ADAMTS20: variants seen among roughly 807,000 people sequenced by gnomAD.
ADAMTS20 encodes A disintegrin and metalloproteinase with thrombospondin motifs 20.
In ADAMTS20, 225 loss-of-function variants were observed where a neutral mutation model predicts 260.1. The observed-to-expected ratio is 0.87, with a 90% confidence interval of 0.78 to 0.97. ADAMTS20 has a LOEUF of 0.97. Ranked by LOEUF, ADAMTS20 falls within the 50% of genes least tolerant of loss-of-function variation. The pLI, the probability that ADAMTS20 is intolerant of heterozygous loss-of-function variation, is 0.00. For missense variants in ADAMTS20, 2,400 were observed against 2,337.7 expected (o/e 1.03, Z -0.55); for synonymous variants, 802 against 769.5 (o/e 1.04, Z -0.70).
chr12:43,384,988 G>C (rs1046266088), intron 29 of ADAMTS20, among the ~76,000 whole-genome samples: 17 of 152,070 alleles, frequency 1.1e-4, no homozygotes, highest in Non-Finnish European at 8.8e-5. Flanking sequence ...GGGATTGCTG[G>C]GTCAAATGCT....
At chr12:43,516,120 C>T (rs188017611) in intron 3 of ADAMTS20, among the ~76,000 whole-genome samples, 2 of 152,036 alleles carry the variant, frequency 1.3e-5, no homozygotes, top group East Asian at 3.9e-4. Flanking sequence ...GTCTGAGATG[C>T]TCGCCACATG....
chr12:43,483,355 C>A (rs1016364241), intron 7 of ADAMTS20, among the ~76,000 whole-genome samples: 2 of 152,130 alleles, frequency 1.3e-5, no homozygotes, highest in African/African-American at 2.4e-5. Flanking sequence ...AGGCCATGAG[C>A]CCCTGAATTT....
chr12:43,380,668 T>TA (rs1940330135), intron 31 of ADAMTS20, among the ~76,000 whole-genome samples: 1 of 152,096 alleles, frequency 6.6e-6, no homozygotes, highest in South Asian at 2.1e-4. Flanking sequence ...TTACAGAATA[T>TA]AAAAAATACT....
chr12:43,539,438 G>C (rs964565666), intron 2 of ADAMTS20, among the ~76,000 whole-genome samples: 1 of 152,110 alleles, frequency 6.6e-6, no homozygotes, highest in Non-Finnish European at 1.5e-5. Context: ...TGACTATAAA[G>C]CACTGAAATT....
chr12:43,358,758 A>G (rs1241039767), intron 37 of ADAMTS20, among the ~76,000 whole-genome samples: 1 of 144,922 alleles, frequency 6.9e-6, no homozygotes, highest in Non-Finnish European at 1.5e-5. Flanking sequence ...AATGGCGTGA[A>G]CCCGGGAGGC....
chr12:43,531,508 G>T (rs569575802), intron 3 of ADAMTS20, among the ~76,000 whole-genome samples: 10 of 152,210 alleles, frequency 6.6e-5, no homozygotes, highest in African/African-American at 1.7e-4. Context: ...CAGGTGAAAA[G>T]ATTGTTTAAA....
rs1205652319 is a variant in ADAMTS20, at chr12:43,383,876, T to C, written c.4554A>G (p.Arg1518=). The C allele has an allele frequency of 6.2e-6, 10 of 1,613,766 alleles. No homozygotes were observed. The highest frequency in any genetic ancestry group is 8.5e-6 in the Non-Finnish European group (10 of 1,179,840). Residue 1518 remains arginine (R), a synonymous_variant, in exon 30 of 39, where the codon CGA becomes CGG. Transcript: ENST00000389420. Reference sequence around the variant, plus strand: ...TCCAACATCGCCTCTGAGAACAAGGTCGGGTGGACTGATCACACATTTCTT... The same window carrying C: ...TCCAACATCGCCTCTGAGAACAAGGCCGGGTGGACTGATCACACATTTCTT... ...VVEEMCDQST[R]PCSQRRCWSQ... is the part of the protein sequence containing the mutation.
chr12:43,544,271 T>A (rs563987085), intron 2 of ADAMTS20, among the ~76,000 whole-genome samples: 9 of 152,326 alleles, frequency 5.9e-5, no homozygotes, highest in African/African-American at 1.9e-4. Flanking sequence ...CCAAGCACTT[T>A]AACTAAAATT....
chr12:43,514,770 TTA>T (rs1942976327), intron 3 of ADAMTS20, among the ~76,000 whole-genome samples: 1 of 152,068 alleles, frequency 6.6e-6, no homozygotes, highest in Admixed American at 6.5e-5. Context: ...TTTGAAAATC[TTA>T]TATCAGTGAA....
At chr12:43,490,757 T>C (rs1942588023) in intron 6 of ADAMTS20, among the ~76,000 whole-genome samples, 1 of 152,148 alleles carries the variant, frequency 6.6e-6, no homozygotes, top group Admixed American at 6.5e-5. Flanking sequence ...TGATTCAATG[T>C]CATCATCAGC....
chr12:43,426,431 A>G (rs970900275), intron 27 of ADAMTS20, among the ~76,000 whole-genome samples: 2 of 152,208 alleles, frequency 1.3e-5, no homozygotes, highest in African/African-American at 2.4e-5. Flanking sequence ...CAAACTCCCA[A>G]TGAACAGAAA....
chr12:43,545,034 C>A (rs962723648), intron 2 of ADAMTS20, among the ~76,000 whole-genome samples: 3 of 152,132 alleles, frequency 2.0e-5, no homozygotes, highest in East Asian at 3.9e-4. Context: ...CCAGACATTG[C>A]CAAATGTCTT....
Position 43,532,149 on chromosome 12 carries a change from A to T in ADAMTS20, c.500T>A (p.Ile167Lys), listed in dbSNP as rs765962045. Residue 167 changes from isoleucine (I) to lysine (K), a missense_variant, in exon 3 of 39, where the codon ATA becomes AAA. Transcript: ENST00000389420. ...GQNGEYFLEP[I>K]MKADGNEYED... is the part of the protein sequence containing the mutation. The stretch of plus-strand genomic sequence containing the variant: ...ATATTCATTCCCATCTGCCTTCATT[A>T]TAGGTTCTAAGAAATATTCACCGTT... 1.2e-6 allele frequency: 2 copies of T among 1,611,984 alleles called. No homozygotes were observed. The highest frequency in any genetic ancestry group is 8.5e-7 in the Non-Finnish European group (1 of 1,179,028).
At chr12:43,399,938 A>G (rs1342470564) in intron 28 of ADAMTS20, among the ~76,000 whole-genome samples, 4 of 152,134 alleles carry the variant, frequency 2.6e-5, no homozygotes, top group Non-Finnish European at 4.4e-5. Context: ...GGCATTGAGT[A>G]TCACTTCTGC....
chr12:43,406,785 AC>A (rs531449675), intron 28 of ADAMTS20, among the ~76,000 whole-genome samples: 211 of 152,144 alleles, frequency 1.4e-3, no homozygotes, highest in Non-Finnish European at 2.4e-3. Context: ...GAATGAAGAA[AC>A]CTTTTTTAAA....
intron 3 of ADAMTS20, among the ~76,000 whole-genome samples, chr12:43,515,264 T>C (rs1344916588): frequency 1.3e-5 from 2 of 152,228 alleles, no homozygotes; most frequent in Non-Finnish European, 1.5e-5. Context: ...AACTTCTCTA[T>C]TTACTCCATC....
intron 2 of ADAMTS20, among the ~76,000 whole-genome samples, chr12:43,534,882 T>C (rs1286507677): frequency 1.3e-5 from 2 of 152,170 alleles, no homozygotes; most frequent in African/African-American, 4.8e-5. Context: ...GCATGTAGGA[T>C]GGACTAGGTA....
chr12:43,498,648 T>A (rs1484291215), intron 4 of ADAMTS20, among the ~76,000 whole-genome samples: 1 of 152,200 alleles, frequency 6.6e-6, no homozygotes, highest in East Asian at 1.9e-4. Context: ...AAACTAGAAA[T>A]ATCTGTGGAC....
At chr12:43,368,849 A>T (rs1161770828) in intron 37 of ADAMTS20, among the ~76,000 whole-genome samples, 2 of 152,180 alleles carry the variant, frequency 1.3e-5, no homozygotes, top group Admixed American at 6.5e-5. Context: ...GCGAGAATAA[A>T]AATATGAAAA....
Sources: allele counts gnomAD v4.1 joint callset (sites outside exome capture counted in the v4.1 genomes callset), GRCh38; gene constraint gnomAD v4.1.1; transcripts MANE v1.5; gene names NCBI Gene and HGNC (gene_info 2026-07-23, HGNC 2026-07-21).